Variants in CDK5RAP1 observed in about 807,000 individuals in gnomAD.
CDK5RAP1 encodes CDK5RAP1 mitochondrial tRNA methylthiotransferase.
A neutral mutation model predicts 64.5 loss-of-function variants in CDK5RAP1; 62 were observed. The ratio of observed to expected loss-of-function variants is 0.96; its 90% CI spans 0.78 to 1.19. The LOEUF is 1.19. Among genes scored for constraint, CDK5RAP1 ranks in the 50% most tolerant of loss-of-function variants. CDK5RAP1 has a pLI of 0.00. For missense variants in CDK5RAP1, 657 were observed against 735.0 expected (o/e 0.89, Z 1.23); for synonymous variants, 250 against 261.9 (o/e 0.95, Z 0.44).
intron 12 of CDK5RAP1, among the ~76,000 whole-genome samples, chr20:33,361,747 G>A (rs1171019266): frequency 3.3e-5 from 5 of 152,080 alleles, no homozygotes; most frequent in Admixed American, 2.6e-4. Context: ...CCTGAGGTCA[G>A]GAGTTTGAGA....
intron 5 of CDK5RAP1, among the ~76,000 whole-genome samples, chr20:33,389,240 C>G (rs1047480667): frequency 2.0e-5 from 3 of 151,982 alleles, no homozygotes; most frequent in Non-Finnish European, 4.4e-5. Flanking sequence ...CCCGCTGCCC[C>G]CTCTGGGATG....
chr20:33,360,047 A>C (rs1982604525), intron 13 of CDK5RAP1: 11 of 324,536 alleles, frequency 3.4e-5, no homozygotes, highest in Middle Eastern at 9.3e-4. Context: ...AACACTCTCT[A>C]CTCACTCGAA....
intron 12 of CDK5RAP1, among the ~76,000 whole-genome samples, chr20:33,366,189 G>T (rs563809224): frequency 6.6e-6 from 1 of 151,792 alleles, no homozygotes; most frequent in Admixed American, 6.6e-5. Context: ...TGTGGTAGTG[G>T]GTGCCTGCAA....
Position 33,372,571 on chromosome 20 carries a change from G to T in CDK5RAP1, c.1261+71C>A. 4 of 715,160 alleles carry T rather than the reference G, an allele frequency of 5.6e-6. No individual in the cohort carries two copies. In the South Asian group the frequency reaches 8.2e-5, roughly 15 times the overall value. The allele number at this position is 715,160 out of a possible 1,614,324, so 44.3% of individuals were successfully genotyped here. ...GTCACAAGGAAATGCCAAAGGTGTTGACTGTATCTAACCACAAGGCTGGTC... is the reference window on the plus strand; with the variant it reads ...GTCACAAGGAAATGCCAAAGGTGTTTACTGTATCTAACCACAAGGCTGGTC... On this transcript the variant is annotated intron_variant, in intron 10 of 13. Transcript: ENST00000346416.
Position 33,371,739 on chromosome 20 carries a change from C to A in CDK5RAP1, c.1261+903G>T, listed in dbSNP as rs148403041. On this transcript the variant is annotated intron_variant, in intron 10 of 13. Transcript: ENST00000346416. Reference sequence around the variant, plus strand: ...CAGAAGCTGCAGTGAGCCGAGATTGCGCCACTGCACTCTATCCTGGGCAAT... The same window carrying A: ...CAGAAGCTGCAGTGAGCCGAGATTGAGCCACTGCACTCTATCCTGGGCAAT... 9.8e-3 allele frequency among the ~76,000 whole-genome samples: 1,484 copies of A among 152,056 alleles called. 15 individuals carry two copies. Among genetic ancestry groups the A allele is most frequent in the African/African-American group, 0.033 (1,368 of 41,470 alleles).
chr20:33,361,420 G>A (rs1408383173), intron 12 of CDK5RAP1, among the ~76,000 whole-genome samples: 1 of 152,176 alleles, frequency 6.6e-6, no homozygotes, highest in African/African-American at 2.4e-5. Flanking sequence ...ACTTGCATGT[G>A]TAGCATAAAA....
chr20:33,359,811 T>A (rs1464291416), intron 13 of CDK5RAP1: 1 of 155,754 alleles, frequency 6.4e-6, no homozygotes. Context: ...AACTGGGCAG[T>A]GTGAGAAGAG....
intron 9 of CDK5RAP1, chr20:33,373,729 C>A (rs1985496121): frequency 5.5e-6 from 1 of 181,418 alleles, no homozygotes; most frequent in South Asian, 1.7e-4. Flanking sequence ...GTGTGCCACA[C>A]CATAGGTGCT....
In CDK5RAP1 at chr20:33,401,457, C is replaced by G. The variant is rs1367656221; in HGVS notation, c.-50G>C. 2 of 985,336 alleles carry G rather than the reference C, an allele frequency of 2.0e-6. No individual in the cohort carries two copies. The highest frequency in any genetic ancestry group is 2.4e-6 in the Non-Finnish European group (2 of 829,938). The allele number at this position is 985,336 out of a possible 1,614,324, so 61.0% of individuals were successfully genotyped here. On this transcript the variant is annotated 5_prime_UTR_variant, in exon 1 of 14. Transcript: ENST00000346416. ...CGCAGCAGCAACAGTGCCCGGGGTC[C>G]CGCAGCGTAAGTTCTGCCGGCAAGT...
chr20:33,389,755 T>C (rs6059295), intron 5 of CDK5RAP1, among the ~76,000 whole-genome samples: 60,131 of 151,994 alleles, frequency 0.4, 12,754 homozygotes, highest in African/African-American at 0.55. Flanking sequence ...GCGGTTTTGT[T>C]GAATAGAAAA....
At chr20:33,363,527 G>C (rs141997587) in intron 12 of CDK5RAP1, among the ~76,000 whole-genome samples, 3,264 of 152,070 alleles carry the variant, frequency 0.021, 229 homozygotes, top group Admixed American at 0.14. Context: ...TGATTCAAGG[G>C]GAAAAAAAGT....
Position 33,395,102 on chromosome 20 carries a change from A to G in CDK5RAP1, c.319T>C (p.Tyr107His), listed in dbSNP as rs778356138. 6.2e-7 allele frequency: 1 copy of G among 1,610,642 alleles called. No homozygotes were observed. The highest frequency in any genetic ancestry group is 8.5e-7 in the Non-Finnish European group (1 of 1,176,930). The change falls in exon 3 of 14, where the codon TAT becomes CAT. Residue 107 changes from tyrosine (Y) to histidine (H), a missense_variant. Physicochemically the swap from Tyr to His is moderately conservative, Grantham distance 83. Coordinates refer to ENST00000346416, the MANE Select transcript of CDK5RAP1 (RefSeq NM_016408.4). Reference protein sequence around the residue: ...GRQRKVYLETYGCQMNVNDTE... With the variant: ...GRQRKVYLETHGCQMNVNDTE... ...TCATTCACATTCATCTGGCAGCCAT[A>G]GGTCTCGAGGTAGACTGCAGTGAGA...
At chr20:33,396,611 T>C (rs1217826371) in intron 2 of CDK5RAP1, 150 bp downstream of exon 2, 2 of 697,606 alleles carry the variant, frequency 2.9e-6, no homozygotes, top group South Asian at 1.8e-5. Context: ...AGTTTCTTGA[T>C]ATTAATATTA....
In CDK5RAP1 at chr20:33,379,513, G is replaced by C; in HGVS notation, c.1055C>G (p.Pro352Arg). ...HLLDQVSRVD[P>R]EMRIRFTSPH... ...AGAGGTAAAACGGATCCTCATTTCA[G>C]GATCTACTCTGGAGACCTGATCCAG... The change falls in exon 8 of 14, where the codon CCT becomes CGT. Residue 352 changes from proline (P) to arginine (R), a missense_variant. Coordinates refer to ENST00000346416, the MANE Select transcript of CDK5RAP1 (RefSeq NM_016408.4). The C allele has an allele frequency of 6.2e-7, 1 of 1,614,092 alleles. No individual in the cohort carries two copies. Among genetic ancestry groups the C allele is most frequent in the Non-Finnish European group, 8.5e-7 (1 of 1,179,994 alleles).
chr20:33,370,223 G>C (rs943004239), intron 11 of CDK5RAP1, among the ~76,000 whole-genome samples: 9 of 152,038 alleles, frequency 5.9e-5, no homozygotes, highest in African/African-American at 1.9e-4. Flanking sequence ...GTAAAGAAAA[G>C]GTTTTCTCCT....
intron 12 of CDK5RAP1, among the ~76,000 whole-genome samples, chr20:33,364,524 C>G (rs902702586): frequency 6.6e-6 from 1 of 152,026 alleles, no homozygotes; most frequent in African/African-American, 2.4e-5. Flanking sequence ...AATCACCCAC[C>G]AGGAGCAGTG....
chr20:33,371,870 T>C (rs978150878), intron 10 of CDK5RAP1, among the ~76,000 whole-genome samples: 1 of 152,116 alleles, frequency 6.6e-6, no homozygotes, highest in Admixed American at 6.6e-5. Context: ...GAGTATTTTA[T>C]TAGGAGGAAG....
intron 12 of CDK5RAP1, among the ~76,000 whole-genome samples, chr20:33,363,630 G>A (rs1033789128): frequency 1.3e-5 from 2 of 152,114 alleles, no homozygotes; most frequent in African/African-American, 4.8e-5. Flanking sequence ...CACTGCAGTG[G>A]CTCATGCCTG....
intron 11 of CDK5RAP1, 41 bp downstream of exon 11, chr20:33,370,458 G>C (rs752735399): frequency 1.2e-6 from 2 of 1,610,346 alleles, no homozygotes; most frequent in Admixed American, 3.3e-5. Flanking sequence ...CCCCCAAACT[G>C]GTCAGGAATG....
Sources: gnomAD v4.1 joint callset for allele counts (sites outside exome capture counted in the v4.1 genomes callset) on GRCh38, gnomAD v4.1.1 for gene constraint, MANE v1.5 for transcripts, NCBI Gene and HGNC (gene_info 2026-07-23, HGNC 2026-07-21) for gene names.